Variants in PCDH15 observed in about 807,000 individuals in gnomAD.
PCDH15 encodes the protein protocadherin-15.
Under a neutral mutation model 178.5 loss-of-function variants are expected in PCDH15, and 129 were observed. That is an observed-to-expected ratio of 0.72 (90% CI 0.63 to 0.84). The LOEUF is 0.84. PCDH15 is among the 40% of genes least tolerant of loss of function. The pLI, the probability that PCDH15 is intolerant of heterozygous loss-of-function variation, is 0.00. For synonymous variants in PCDH15, 800 were observed against 732.0 expected (o/e 1.09, Z -1.50); for missense variants, 2,230 against 2,099.9 (o/e 1.06, Z -1.21).
chr10:55,376,976 T>G lies in PCDH15; in HGVS notation c.-155-210325A>C, dbSNP rs138939868. Among the ~76,000 whole-genome samples, 37 of 151,970 alleles carry G rather than the reference T, an allele frequency of 2.4e-4. 1 individual carries two copies. The East Asian group carries it at 7.2e-3, about 29-fold the overall frequency. ...AACCCTATTTTTAAAAAACTAGCTA[T>G]TAAGTCATATTTTAAAAGGAACACA... On this transcript the variant is annotated intron_variant, in intron 2 of 5. Transcript: ENST00000613346.
intron 3 of PCDH15, among the ~76,000 whole-genome samples, chr10:54,489,456 GCTC>G (rs1420518411): frequency 6.6e-6 from 1 of 152,098 alleles, no homozygotes; most frequent in Non-Finnish European, 1.5e-5. Context: ...TGTTGGATAT[GCTC>G]CTCATTTCTT....
chr10:54,519,501 A>C (rs561938296), intron 3 of PCDH15, among the ~76,000 whole-genome samples: 157 of 152,354 alleles, frequency 1.0e-3, no homozygotes, highest in African/African-American at 3.7e-3. Context: ...AATCTGACTT[A>C]CAAGGGACGT....
intron 2 of PCDH15, among the ~76,000 whole-genome samples, chr10:55,579,016 T>C (rs1245938349): frequency 1.3e-5 from 2 of 152,182 alleles, no homozygotes; most frequent in Non-Finnish European, 2.9e-5. Context: ...TAGAAGAATA[T>C]GCACAAGCTC....
At chr10:55,580,953 C>T (rs1842602268) in intron 2 of PCDH15, among the ~76,000 whole-genome samples, 1 of 152,118 alleles carries the variant, frequency 6.6e-6, no homozygotes, top group Non-Finnish European at 1.5e-5. Context: ...AGTTCTCCCC[C>T]TTTTTCCTTT....
chr10:54,245,484 G>A (rs1393017297), intron 8 of PCDH15, among the ~76,000 whole-genome samples: 2 of 152,098 alleles, frequency 1.3e-5, no homozygotes, highest in Non-Finnish European at 2.9e-5. Context: ...AAGATTGCCA[G>A]ATAAGTCTTT....
chr10:53,995,086 T>C (rs980356212), intron 21 of PCDH15: 3 of 153,716 alleles, frequency 2.0e-5, no homozygotes, highest in African/African-American at 4.8e-5. Context: ...CTATTAATTA[T>C]ACATGGTATT....
intron 14 of PCDH15, among the ~76,000 whole-genome samples, chr10:54,142,447 C>T (rs1020138882): frequency 3.9e-5 from 6 of 152,014 alleles, no homozygotes; most frequent in South Asian, 2.1e-4. Flanking sequence ...CTATTCAATC[C>T]CTCTAGACCC....
intron 2 of PCDH15, among the ~76,000 whole-genome samples, chr10:54,541,216 A>G (rs1251492298): frequency 1.3e-5 from 2 of 152,102 alleles, no homozygotes; most frequent in Non-Finnish European, 2.9e-5. Context: ...GAAACTAAAG[A>G]AGTCAAACTA....
intron 2 of PCDH15, among the ~76,000 whole-genome samples, chr10:54,539,846 C>A (rs2085008792): frequency 6.6e-6 from 1 of 152,056 alleles, no homozygotes; most frequent in South Asian, 2.1e-4. Flanking sequence ...AAACCTATAA[C>A]AAGAATATCT....
At chr10:54,323,898 A>AT (rs1186090317) in intron 7 of PCDH15, among the ~76,000 whole-genome samples, 1 of 152,134 alleles carries the variant, frequency 6.6e-6, no homozygotes, top group African/African-American at 2.4e-5. Flanking sequence ...TCTTGTAAAC[A>AT]TTTTTTGTTT....
intron 1 of PCDH15, among the ~76,000 whole-genome samples, chr10:55,186,433 CAT>C (rs1485622612): frequency 6.6e-6 from 1 of 150,996 alleles, no homozygotes; most frequent in East Asian, 1.9e-4. Flanking sequence ...TTAATAAATA[CAT>C]ATATATACAA....
chr10:54,775,450 C>T (rs12761241), intron 1 of PCDH15, among the ~76,000 whole-genome samples: 1,550 of 152,212 alleles, frequency 0.01, 12 homozygotes, highest in Non-Finnish European at 0.016. Context: ...TTAGCATATC[C>T]ATTATCTCCA....
chr10:55,379,256 G>A (rs1837476812), intron 2 of PCDH15, among the ~76,000 whole-genome samples: 1 of 151,822 alleles, frequency 6.6e-6, no homozygotes, highest in East Asian at 1.9e-4. Flanking sequence ...TAAGGCCTTT[G>A]GTAATCACAG....
At chr10:54,817,083 G>T (rs1952960270) in intron 3 of PCDH15, among the ~76,000 whole-genome samples, 1 of 151,950 alleles carries the variant, frequency 6.6e-6, no homozygotes, top group Non-Finnish European at 1.5e-5. Flanking sequence ...AAGTTTTGTT[G>T]TGGTTTACTC....
At chr10:55,091,749 C>A (rs1470306443) in intron 2 of PCDH15, among the ~76,000 whole-genome samples, 1 of 151,822 alleles carries the variant, frequency 6.6e-6, no homozygotes, top group Non-Finnish European at 1.5e-5. Context: ...GGATACCAGC[C>A]AACACAAAAT....
rs114271033 is a variant in PCDH15, at chr10:54,039,381, A to T, written c.2221-16184T>A. On this transcript the variant is annotated intron_variant, in intron 18 of 37. Transcript: ENST00000644397. ...TTTCATGATGGGGATTAAGGGCCAT[A>T]TCACACAAATACACACTTGAAGGTT... Among the ~76,000 whole-genome samples the T allele has an allele frequency of 5.5e-3, 836 of 152,078 alleles. 11 individuals carry two copies. The highest frequency in any genetic ancestry group is 0.019 in the African/African-American group (795 of 41,534).
At chr10:55,535,490 C>T (rs908742533) in intron 2 of PCDH15, among the ~76,000 whole-genome samples, 2 of 152,072 alleles carry the variant, frequency 1.3e-5, no homozygotes, top group East Asian at 3.9e-4. Flanking sequence ...AAAAAGACAA[C>T]TCCAATGTAC....
intron 32 of PCDH15, among the ~76,000 whole-genome samples, chr10:53,826,856 T>C (rs1280973493): frequency 2.0e-5 from 3 of 152,112 alleles, no homozygotes; most frequent in Non-Finnish European, 4.4e-5. Context: ...TGTAATTTCA[T>C]TGAGATTTTA....
chr10:55,134,818 A>G (rs1400260235), intron 2 of PCDH15, among the ~76,000 whole-genome samples: 1 of 152,160 alleles, frequency 6.6e-6, no homozygotes, highest in Non-Finnish European at 1.5e-5. Flanking sequence ...TTAATTTTAG[A>G]CTAATCCTTC....
Sources: gnomAD v4.1 joint callset for allele counts (sites outside exome capture counted in the v4.1 genomes callset) on GRCh38, gnomAD v4.1.1 for gene constraint, MANE v1.5 for transcripts, NCBI Gene and HGNC (gene_info 2026-07-23, HGNC 2026-07-21) for gene names.